The following CACNA2D2 variants were observed in gnomAD, a reference collection of about 807,000 sequenced individuals.
CACNA2D2 encodes the protein calcium voltage-gated channel auxiliary subunit alpha2delta 2.
In CACNA2D2, 48 loss-of-function variants were observed where a neutral mutation model predicts 166.4. That is an observed-to-expected ratio of 0.29 (90% confidence interval 0.23 to 0.37). CACNA2D2 has a LOEUF of 0.37. CACNA2D2 is among the 10% of genes least tolerant of loss of function. The pLI is 1.00. For synonymous variants in CACNA2D2, 561 were observed against 573.7 expected (o/e 0.98, Z 0.32); for missense variants, 1,122 against 1,433.0 (o/e 0.78, Z 3.50).
chr3:50,414,826 T>C (rs1035388784), intron 3 of CACNA2D2, among the ~76,000 whole-genome samples: 4 of 152,224 alleles, frequency 2.6e-5, no homozygotes, highest in Non-Finnish European at 5.9e-5. Context: ...CCTCCAAGTC[T>C]GCGCCAGGCC....
At chr3:50,395,777 A>T (rs891732466) in intron 3 of CACNA2D2, among the ~76,000 whole-genome samples, 1 of 152,146 alleles carries the variant, frequency 6.6e-6, no homozygotes, top group African/African-American at 2.4e-5. Flanking sequence ...TCACAACCCC[A>T]TAGTTAGAGG....
At chr3:50,448,796 T>C (rs1347186406) in intron 2 of CACNA2D2, among the ~76,000 whole-genome samples, 2 of 152,074 alleles carry the variant, frequency 1.3e-5, no homozygotes, top group African/African-American at 4.8e-5. Context: ...ACTGGTCACA[T>C]CCCTAGAGCC....
At chr3:50,426,547 C>A (rs1707816268) in intron 3 of CACNA2D2, among the ~76,000 whole-genome samples, 1 of 152,188 alleles carries the variant, frequency 6.6e-6, no homozygotes, top group Admixed American at 6.5e-5. Flanking sequence ...ACTTCAGCCA[C>A]TAGGGAGAAT....
intron 3 of CACNA2D2, among the ~76,000 whole-genome samples, chr3:50,423,375 C>A (rs1707662511): frequency 6.6e-6 from 1 of 152,352 alleles, no homozygotes; most frequent in South Asian, 2.1e-4. Flanking sequence ...GGCTGGGAAG[C>A]CCCACACTGA....
chr3:50,378,778 C>G (rs921224973), intron 13 of CACNA2D2, 137 bp downstream of exon 13: 1 of 1,005,404 alleles, frequency 9.9e-7, no homozygotes, highest in African/African-American at 1.6e-5. Context: ...TGAGGGACAG[C>G]CTCGTGGATG....
At chr3:50,369,353 A>G (rs587673762) in intron 23 of CACNA2D2, among the ~76,000 whole-genome samples, 1 of 152,354 alleles carries the variant, frequency 6.6e-6, no homozygotes, top group African/African-American at 2.4e-5. Flanking sequence ...TGCCTTCAAG[A>G]GAGCTTCCTC....
chr3:50,488,272 G>C lies in CACNA2D2; in HGVS notation c.207-12073C>G, dbSNP rs555012060. 3.5e-4 allele frequency among the ~76,000 whole-genome samples: 54 copies of C among 152,302 alleles called. No homozygotes were observed. In the East Asian group the frequency reaches 9.8e-3, roughly 28 times the overall value. On this transcript the variant is annotated intron_variant, in intron 1 of 37. Transcript: ENST00000424201. ...CAGAATTCCTACCCTCAAGTACATG[G>C]GAGCACCTCCACACACTGGATGGAA...
chr3:50,367,596 G>A lies in CACNA2D2; in HGVS notation c.2297+46C>T. The A allele has an allele frequency of 1.2e-6, 2 of 1,606,314 alleles. No homozygotes were observed. The highest frequency in any genetic ancestry group is 1.7e-6 in the Non-Finnish European group (2 of 1,173,554). On this transcript the variant is annotated intron_variant, in intron 26 of 37. Coordinates refer to ENST00000424201, the MANE Select transcript of CACNA2D2 (RefSeq NM_006030.4). The surrounding 1 kb of genome is among the most constrained non-coding windows in gnomAD (Gnocchi z 6.5). Reference sequence around the variant, plus strand: ...AGGCCTCTGGGCAGAACAGATGCAGGTTCCCTGGCAGGGGCAGGGTTTGGG... The same window carrying A: ...AGGCCTCTGGGCAGAACAGATGCAGATTCCCTGGCAGGGGCAGGGTTTGGG...
At chr3:50,433,235 T>C (rs1435623105) in intron 3 of CACNA2D2, among the ~76,000 whole-genome samples, 1 of 152,250 alleles carries the variant, frequency 6.6e-6, no homozygotes, top group Non-Finnish European at 1.5e-5. Flanking sequence ...GGACATTTCA[T>C]AGAAATGGGA....
At chr3:50,454,480 G>A (rs192573879) in intron 2 of CACNA2D2, among the ~76,000 whole-genome samples, 7 of 151,898 alleles carry the variant, frequency 4.6e-5, no homozygotes, top group East Asian at 1.9e-4. Flanking sequence ...CCTCTCCCCC[G>A]AGGAGAGCGG....
chr3:50,411,631 C>G (rs2236964), intron 3 of CACNA2D2, among the ~76,000 whole-genome samples: 43,995 of 152,178 alleles, frequency 0.29, 9,017 homozygotes, highest in African/African-American at 0.54. Flanking sequence ...GCTACTTAAT[C>G]CATTTTTCAG....
chr3:50,476,354 G>A (rs909020420), intron 1 of CACNA2D2, among the ~76,000 whole-genome samples, 155 bp from the exon 2 acceptor site: 1 of 152,208 alleles, frequency 6.6e-6, no homozygotes, highest in African/African-American at 2.4e-5. Context: ...AAGCACCTGC[G>A]ATTCCCCTTT....
At chr3:50,387,543 G>T (rs758594385) in intron 5 of CACNA2D2, 25 bp downstream of exon 5, 1 of 1,606,534 alleles carries the variant, frequency 6.2e-7, no homozygotes, top group Non-Finnish European at 8.5e-7. Context: ...CAGCAAGGAG[G>T]TGTGGCTCAG....
chr3:50,443,080 G>A (rs540957193), intron 2 of CACNA2D2, among the ~76,000 whole-genome samples: 16 of 152,310 alleles, frequency 1.1e-4, no homozygotes, highest in East Asian at 9.6e-4. Flanking sequence ...GTTGGGAGCC[G>A]CCGGCTGTCG....
At chr3:50,409,864 GAGGA>G (rs1706910306) in intron 3 of CACNA2D2, among the ~76,000 whole-genome samples, 1 of 152,138 alleles carries the variant, frequency 6.6e-6, no homozygotes, top group Non-Finnish European at 1.5e-5. Context: ...CAGCGGGCAC[GAGGA>G]GACCTGAGAG....
intron 2 of CACNA2D2, among the ~76,000 whole-genome samples, chr3:50,472,742 C>A (rs1420357325): frequency 6.6e-6 from 1 of 152,152 alleles, no homozygotes; most frequent in East Asian, 1.9e-4. Context: ...GAGGGGAGAC[C>A]TGTCCCAGCT....
Position 50,364,816 on chromosome 3 carries a change from G to C in CACNA2D2, c.3292-10C>G. The C allele has an allele frequency of 1.2e-6, 2 of 1,612,646 alleles. No homozygotes were observed. Among genetic ancestry groups the C allele is most frequent in the Non-Finnish European group, 1.7e-6 (2 of 1,179,684 alleles). On this transcript the variant is annotated splice_polypyrimidine_tract_variant and intron_variant, in intron 37 of 37. Coordinates refer to ENST00000424201, the MANE Select transcript of CACNA2D2 (RefSeq NM_006030.4). ...AGTCTGAGGTATCTTCCTGCGGGGA[G>C]AGACAAGGAGCTGGTCGGCCTGGGC...
At chr3:50,495,364 G>T (rs957281627) in intron 1 of CACNA2D2, among the ~76,000 whole-genome samples, 1 of 152,162 alleles carries the variant, frequency 6.6e-6, no homozygotes, top group Non-Finnish European at 1.5e-5. Context: ...CTGGGCCATC[G>T]CAGCACTGAC....
At chr3:50,484,063 A>G (rs1474457679) in intron 1 of CACNA2D2, among the ~76,000 whole-genome samples, 1 of 152,012 alleles carries the variant, frequency 6.6e-6, no homozygotes, top group Non-Finnish European at 1.5e-5. Flanking sequence ...CCGAAACGAG[A>G]TCCGAGATCC....
Sources: gnomAD v4.1 joint callset for allele counts (sites outside exome capture counted in the v4.1 genomes callset) on GRCh38, gnomAD v4.1.1 for gene constraint, Gnocchi (gnomAD v3.1) non-coding constraint, MANE v1.5 for transcripts, NCBI Gene and HGNC (gene_info 2026-07-23, HGNC 2026-07-21) for gene names.